CBR4: variants seen among roughly 807,000 people sequenced by gnomAD.
CBR4 encodes the protein carbonyl reductase 4, also known as 3-oxoacyl-[acyl-carrier-protein] reductase.
Under a neutral mutation model 21.0 loss-of-function variants are expected in CBR4, and 22 were observed. The ratio of observed to expected loss-of-function variants is 1.05; its 90% CI spans 0.75 to 1.50. The LOEUF is 1.50. Ranked by LOEUF, CBR4 falls within the 40% of genes most tolerant of loss-of-function variation. The pLI is 0.00. For missense variants in CBR4, 302 were observed against 286.3 expected, an observed-to-expected ratio of 1.05 and a Z score of -0.40; for synonymous variants, 100 against 104.4, an observed-to-expected ratio of 0.96 and a Z score of 0.26.
chr4:168,976,067 C>A (rs907705105), intron 2 of CBR4, among the ~76,000 whole-genome samples: 3 of 152,232 alleles, frequency 2.0e-5, no homozygotes, highest in African/African-American at 7.2e-5. Context: ...CACCTGCCAA[C>A]ATGTTCAGCT....
intron 2 of CBR4, among the ~76,000 whole-genome samples, chr4:168,902,364 G>A (rs1454328484): frequency 3.3e-5 from 5 of 152,190 alleles, no homozygotes; most frequent in African/African-American, 9.7e-5. Flanking sequence ...TAGTAAGTCT[G>A]CAGGTGGGGT....
chr4:168,975,200 C>A (rs1197586634), intron 2 of CBR4, among the ~76,000 whole-genome samples: 3 of 152,156 alleles, frequency 2.0e-5, no homozygotes, highest in Non-Finnish European at 2.9e-5. Flanking sequence ...CCCTTCAGGG[C>A]TACCAGACTC....
chr4:168,921,406 CAAA>C (rs5863967), intron 2 of CBR4: 7,963 of 354,056 alleles, frequency 0.022, no homozygotes, highest in Middle Eastern at 0.042. Flanking sequence ...AAACTCTGTC[CAAA>C]AAAAAAAAAA....
At chr4:168,934,092 T>C (rs1763035960) in intron 2 of CBR4, among the ~76,000 whole-genome samples, 1 of 151,638 alleles carries the variant, frequency 6.6e-6, no homozygotes, top group African/African-American at 2.4e-5. Flanking sequence ...TGATTCATCT[T>C]AAGAATCTAG....
At chr4:168,914,595 GA>G (rs1447411614) in intron 2 of CBR4, among the ~76,000 whole-genome samples, 3 of 152,010 alleles carry the variant, frequency 2.0e-5, no homozygotes, top group African/African-American at 7.3e-5. Context: ...GACACTGATG[GA>G]ACAATGGTAG....
intron 2 of CBR4, among the ~76,000 whole-genome samples, chr4:168,908,194 A>G (rs6817551): frequency 0.68 from 103,310 of 152,070 alleles, 36,819 homozygotes; most frequent in East Asian, 0.96. Context: ...TGGGGGCTTC[A>G]GTAACTGGTA....
chr4:169,006,567 G>T (rs1236012256), intron 3 of CBR4, among the ~76,000 whole-genome samples, 188 bp downstream of exon 3: 1 of 152,154 alleles, frequency 6.6e-6, no homozygotes, highest in East Asian at 1.9e-4. Flanking sequence ...TTTAACACCT[G>T]CCTGACTCCT....
downstream of CBR4, among the ~76,000 whole-genome samples, chr4:168,983,682 C>T (rs562474290): frequency 6.6e-6 from 1 of 152,062 alleles, no homozygotes; most frequent in East Asian, 1.9e-4. Flanking sequence ...CAAAACAAAT[C>T]CAGCAGCACA....
At chr4:168,913,726 GTTC>G (rs555463657) in intron 2 of CBR4, among the ~76,000 whole-genome samples, 41 of 152,068 alleles carry the variant, frequency 2.7e-4, no homozygotes, top group African/African-American at 9.4e-4. Flanking sequence ...TCACCTTCAA[GTTC>G]TTCAAGTAAA....
chr4:168,901,951 TTGG>T lies in CBR4; in HGVS notation n.170-7189_170-7187del, dbSNP rs1211441525. On this transcript the variant is annotated intron_variant and non_coding_transcript_variant, in intron 2 of 3. Coordinates refer to the CBR4 transcript ENST00000509108. ...TTACAACTCAAAGTTATTAGTCTAG[TTGG>T]TGATTACTTTTTAGATTCTAGAGTT... 9.3e-4 allele frequency among the ~76,000 whole-genome samples: 141 copies of T among 152,350 alleles called. 1 individual carries two copies. Among genetic ancestry groups the T allele is most frequent in the African/African-American group, 3.3e-3 (136 of 41,576 alleles).
intron 2 of CBR4, among the ~76,000 whole-genome samples, chr4:168,946,166 C>A (rs1306995904): frequency 6.6e-6 from 1 of 152,146 alleles, no homozygotes; most frequent in Non-Finnish European, 1.5e-5. Context: ...ATGCTAACAA[C>A]TGAGGAATAA....
chr4:168,991,005 G>C (rs1578993014), intron 4 of CBR4, among the ~76,000 whole-genome samples: 1 of 152,046 alleles, frequency 6.6e-6, no homozygotes, highest in Non-Finnish European at 1.5e-5. Flanking sequence ...AGTGAGCCGA[G>C]ATTGTGTCAC....
rs181147026 is a variant in CBR4, at chr4:168,916,750, G to A, written n.170-21985C>T. The stretch of plus-strand genomic sequence containing the variant: ...GGCTGGAGTGCAGTGGTGCAATCTC[G>A]GCTCGCTGCAACCTCTGCCTCCTGG... On this transcript the variant is annotated intron_variant and non_coding_transcript_variant, in intron 2 of 3. Coordinates refer to the CBR4 transcript ENST00000509108. 9.2e-3 allele frequency among the ~76,000 whole-genome samples: 1,294 copies of A among 140,320 alleles called. 15 individuals carry two copies. The highest frequency in any genetic ancestry group is 0.032 in the African/African-American group (1,214 of 38,506). 92.1% of individuals were successfully genotyped at this position (140,320 alleles called of 152,430 possible). A position where few individuals can be genotyped will look rare whatever the true frequency, so the allele number is the denominator to read the frequency against.
chr4:168,978,517 G>A (rs1418483164), intron 2 of CBR4, among the ~76,000 whole-genome samples: 1 of 152,218 alleles, frequency 6.6e-6, no homozygotes, highest in African/African-American at 2.4e-5. Flanking sequence ...AGTGCCAAGT[G>A]AGGCTCCCCC....
chr4:168,926,184 A>T, intron 2 of CBR4: 1 of 1,486,092 alleles, frequency 6.7e-7, no homozygotes, highest in Non-Finnish European at 8.9e-7. Flanking sequence ...TCTTGATTAA[A>T]AATCTTAATT....
chr4:169,003,533 T>C (rs1730641998), intron 3 of CBR4, among the ~76,000 whole-genome samples: 1 of 152,218 alleles, frequency 6.6e-6, no homozygotes, highest in African/African-American at 2.4e-5. Flanking sequence ...ATAAACTTAG[T>C]TGATAAAGCA....
At position 168,989,217 on chromosome 4, in the gene CBR4, T is replaced by C. The variant is rs897461206; in HGVS notation, c.*933A>G. 45 of 974,150 alleles carry C rather than the reference T, an allele frequency of 4.6e-5. No homozygotes were observed. Among genetic ancestry groups the C allele is most frequent in the Non-Finnish European group, 5.2e-5 (43 of 819,774 alleles). The allele number at this position is 974,150 out of a possible 1,614,324, so 60.3% of individuals were successfully genotyped here. On this transcript the variant is annotated 3_prime_UTR_variant, in exon 5 of 5. Coordinates refer to ENST00000306193, the MANE Select transcript of CBR4 (RefSeq NM_032783.5). ...CTAATGCAAAATACTCTTAATTTTT[T>C]AAATGTTGTATTTCTCGTTTTTAAA...
intron 2 of CBR4, among the ~76,000 whole-genome samples, chr4:168,912,627 T>A (rs1447736120): frequency 2.0e-5 from 3 of 152,212 alleles, no homozygotes; most frequent in African/African-American, 4.8e-5. Context: ...TTATACATAT[T>A]TATGAGGTAC....
downstream of CBR4, among the ~76,000 whole-genome samples, chr4:168,984,994 G>A (rs149526639): frequency 3.7e-3 from 564 of 152,116 alleles, no homozygotes; most frequent in Non-Finnish European, 6.3e-3. Context: ...TTCTGGACAT[G>A]GGCCCAGGTA....
Sources: allele counts gnomAD v4.1 joint callset (sites outside exome capture counted in the v4.1 genomes callset), GRCh38; gene constraint gnomAD v4.1.1; transcripts MANE v1.5; gene names NCBI Gene and HGNC (gene_info 2026-07-23, HGNC 2026-07-21).